The following MAPK10 variants were observed in gnomAD, a reference collection of about 807,000 sequenced individuals.
The protein encoded by MAPK10 is JNK3 alpha protein kinase.
In MAPK10, 25 loss-of-function variants were observed where a neutral mutation model predicts 59.3. The observed-to-expected ratio is 0.42, with a 90% CI of 0.31 to 0.59. The LOEUF (loss-of-function observed/expected upper bound fraction) is 0.59, where lower values mean the gene tolerates loss of function less well. Ranked by LOEUF, MAPK10 falls within the 20% of genes least tolerant of loss-of-function variation. The pLI, the probability that MAPK10 is intolerant of heterozygous loss-of-function variation, is 0.15. For synonymous variants in MAPK10, 190 were observed against 200.5 expected (o/e 0.95, Z 0.44); for missense variants, 351 against 568.9 (o/e 0.62, Z 3.90).
intron 1 of MAPK10, among the ~76,000 whole-genome samples, chr4:86,484,832 C>T (rs539302644): frequency 6.6e-6 from 1 of 152,280 alleles, no homozygotes; most frequent in South Asian, 2.1e-4. Context: ...CCAAAGCCCA[C>T]ACTGTTTCTT....
At chr4:86,151,108 T>C (rs1053660856) in intron 4 of MAPK10, among the ~76,000 whole-genome samples, 1 of 151,920 alleles carries the variant, frequency 6.6e-6, no homozygotes, top group Non-Finnish European at 1.5e-5. Context: ...CGGGTGGAGA[T>C]GGAATCAAGA....
chr4:86,372,564 G>GAAAAGAAAAGAAAAGAAAAGAAAAGA (rs372381149), intron 1 of MAPK10, among the ~76,000 whole-genome samples: 1 of 78,690 alleles, frequency 1.3e-5, no homozygotes, highest in African/African-American at 4.4e-5. Context: ...AAGAAAGAAA[G>GAAAAGAAAAGAAAAGAAAAGAAAAGA]AAAGAAAAGA....
At chr4:86,577,826 T>A (rs1030997576) in intron 1 of MAPK10, among the ~76,000 whole-genome samples, 5 of 152,162 alleles carry the variant, frequency 3.3e-5, no homozygotes, top group Admixed American at 6.5e-5. Flanking sequence ...GAAAGTCTAA[T>A]GGATAAAACA....
intron 2 of MAPK10, among the ~76,000 whole-genome samples, chr4:86,346,763 T>A (rs1578651649): frequency 1.3e-5 from 2 of 149,296 alleles, no homozygotes; most frequent in Admixed American, 1.3e-4. Context: ...CACATCTAAG[T>A]GGACCCACAC....
At chr4:86,320,802 A>C (rs2095874048) in intron 2 of MAPK10, among the ~76,000 whole-genome samples, 1 of 152,184 alleles carries the variant, frequency 6.6e-6, no homozygotes, top group Non-Finnish European at 1.5e-5. Flanking sequence ...CTAACGTTTA[A>C]GTCTTTAATC....
intron 4 of MAPK10, among the ~76,000 whole-genome samples, chr4:86,112,049 G>A (rs2057562567): frequency 2.6e-5 from 4 of 151,284 alleles, no homozygotes; most frequent in Non-Finnish European, 1.5e-5. Context: ...TTGTAGTTCT[G>A]TGGGGTGATA....
At chr4:86,089,202 A>T (rs1158790795) in intron 9 of MAPK10, 2 of 1,608,888 alleles carry the variant, frequency 1.2e-6, no homozygotes, top group Non-Finnish European at 1.7e-6. Flanking sequence ...GCTAAGAAGG[A>T]TACGATCAGT....
At position 86,585,991 on chromosome 4, in the gene MAPK10, T is replaced by C. The variant is rs78912242; in HGVS notation, c.-263+7919A>G. On this transcript the variant is annotated intron_variant, in intron 1 of 4. Coordinates refer to the MAPK10 transcript ENST00000502302. Reference sequence around the variant, plus strand: ...ACACTCTTTAAGACAGAAGATAAACTAGAAAGCTTAACTTCTGTCTTGGTC... The same window carrying C: ...ACACTCTTTAAGACAGAAGATAAACCAGAAAGCTTAACTTCTGTCTTGGTC... Among the ~76,000 whole-genome samples, 750 of 152,294 alleles carry C rather than the reference T, an allele frequency of 4.9e-3. 2 individuals are homozygous for C. Among genetic ancestry groups the C allele is most frequent in the African/African-American group, 0.017 (706 of 41,564 alleles).
chr4:86,381,955 T>C (rs1740779589), intron 1 of MAPK10, among the ~76,000 whole-genome samples: 1 of 152,052 alleles, frequency 6.6e-6, no homozygotes. Flanking sequence ...AATAAAACCC[T>C]TGACATTGTT....
intron 1 of MAPK10, among the ~76,000 whole-genome samples, chr4:86,517,739 G>A (rs917998687): frequency 6.6e-6 from 1 of 152,078 alleles, no homozygotes; most frequent in Non-Finnish European, 1.5e-5. Context: ...GATTTGGGGA[G>A]GATTGCCTCT....
chr4:86,229,873 T>C (rs950091458), intron 2 of MAPK10, among the ~76,000 whole-genome samples: 4 of 151,774 alleles, frequency 2.6e-5, no homozygotes, highest in Admixed American at 6.6e-5. Context: ...CTGGGCAACA[T>C]AGTGAGACTC....
At chr4:86,286,457 C>T (rs2095015672) in intron 2 of MAPK10, among the ~76,000 whole-genome samples, 1 of 152,164 alleles carries the variant, frequency 6.6e-6, no homozygotes, top group Admixed American at 6.5e-5. Flanking sequence ...GTAGCACTTG[C>T]TCTGTGCCAG....
intron 2 of MAPK10, among the ~76,000 whole-genome samples, chr4:86,337,841 C>T (rs1021804852): frequency 6.6e-6 from 1 of 152,198 alleles, no homozygotes. Context: ...ATATCCAGTG[C>T]TATCAGACTG....
intron 9 of MAPK10, among the ~76,000 whole-genome samples, chr4:86,070,615 C>A (rs1380276212): frequency 6.9e-6 from 1 of 145,262 alleles, no homozygotes; most frequent in Non-Finnish European, 1.5e-5. Flanking sequence ...TTGTTCAATT[C>A]CCACCTATGA....
intron 1 of MAPK10, among the ~76,000 whole-genome samples, chr4:86,546,924 C>T (rs1021494593): frequency 2.0e-5 from 3 of 152,054 alleles, no homozygotes; most frequent in East Asian, 3.9e-4. Context: ...GGCGTGGTGG[C>T]GGGCACCTGT....
intron 1 of MAPK10, among the ~76,000 whole-genome samples, chr4:86,443,507 A>G (rs554333198): frequency 6.6e-6 from 1 of 152,234 alleles, no homozygotes; most frequent in East Asian, 1.9e-4. Context: ...AGATGGGTGC[A>G]AGGAGAACCG....
In MAPK10 at chr4:86,017,489, G is replaced by T. The variant is rs1743861008; in HGVS notation, c.1253-119C>A. On this transcript the variant is annotated intron_variant, in intron 13 of 13. Transcript: ENST00000641462. The surrounding 1 kb of genome is among the most constrained non-coding windows in gnomAD (Gnocchi z 4.4). The stretch of plus-strand genomic sequence containing the variant: ...GGATGTCCAGTCCATCAATCATTTG[G>T]CAAGCCTTTATAGAGCAGCTGACAT... The T allele has an allele frequency of 8.8e-7, 1 of 1,140,496 alleles. No homozygotes were observed. The highest frequency in any genetic ancestry group is 1.3e-6 in the Non-Finnish European group (1 of 783,834). The allele number at this position is 1,140,496 out of a possible 1,614,324, so 70.6% of individuals were successfully genotyped here.
intron 1 of MAPK10, among the ~76,000 whole-genome samples, chr4:86,539,700 A>G (rs1273794076): frequency 1.3e-5 from 2 of 152,202 alleles, no homozygotes; most frequent in Non-Finnish European, 1.5e-5. Flanking sequence ...GCTGGGGCAC[A>G]TGTGAGAACA....
intron 1 of MAPK10, among the ~76,000 whole-genome samples, chr4:86,544,174 A>C (rs1310897666): frequency 6.6e-6 from 1 of 152,172 alleles, no homozygotes; most frequent in East Asian, 1.9e-4. Flanking sequence ...TTAAGTCATT[A>C]TTCTTAACCC....
Sources: gnomAD v4.1 joint callset for allele counts (sites outside exome capture counted in the v4.1 genomes callset) on GRCh38, gnomAD v4.1.1 for gene constraint, Gnocchi (gnomAD v3.1) non-coding constraint, MANE v1.5 for transcripts, NCBI Gene and HGNC (gene_info 2026-07-23, HGNC 2026-07-21) for gene names.